CTNNA3: variants seen among roughly 807,000 people sequenced by gnomAD.
CTNNA3 encodes the protein catenin alpha-3.
CTNNA3 carries 76 observed loss-of-function variants against 95.7 expected under a neutral mutation model. The observed-to-expected ratio is 0.79, with a 90% CI of 0.66 to 0.96. The LOEUF (loss-of-function observed/expected upper bound fraction) is 0.96, where lower values mean the gene tolerates loss of function less well. Ranked by LOEUF, CTNNA3 falls within the 40% of genes least tolerant of loss-of-function variation. The pLI is 0.00. For missense variants in CTNNA3, 1,191 were observed against 1,089.8 expected (o/e 1.09, Z -1.31); for synonymous variants, 431 against 374.4 (o/e 1.15, Z -1.74).
intron 17 of CTNNA3, among the ~76,000 whole-genome samples, chr10:65,957,816 A>C (rs910492234): frequency 5.9e-5 from 9 of 151,698 alleles, no homozygotes; most frequent in African/African-American, 1.9e-4. Context: ...GTTGCCCTTA[A>C]TTTTTTCCTT....
intron 5 of CTNNA3, among the ~76,000 whole-genome samples, chr10:67,329,267 G>C (rs1841682448): frequency 6.6e-6 from 1 of 152,170 alleles, no homozygotes; most frequent in African/African-American, 2.4e-5. Context: ...GCTACTTGGA[G>C]TGCTGAGGCA....
chr10:67,178,188 C>T (rs1164131782), intron 7 of CTNNA3, among the ~76,000 whole-genome samples: 1 of 152,082 alleles, frequency 6.6e-6, no homozygotes, highest in East Asian at 1.9e-4. Flanking sequence ...TTGGCACACC[C>T]TGGGGTGGGT....
chr10:66,612,750 T>C (rs1253985826), intron 10 of CTNNA3, among the ~76,000 whole-genome samples: 4 of 152,098 alleles, frequency 2.6e-5, no homozygotes, highest in African/African-American at 4.8e-5. Flanking sequence ...TCAATTTCTA[T>C]TACATGTTTT....
At position 65,920,561 on chromosome 10, in the gene CTNNA3, C is replaced by T. The variant is rs780698723; in HGVS notation, c.2457G>A (p.Val819=). The T allele has an allele frequency of 1.2e-6, 2 of 1,614,124 alleles. No individual in the cohort carries two copies. The highest frequency in any genetic ancestry group is 8.5e-7 in the Non-Finnish European group (1 of 1,180,012). The change falls in exon 18 of 18, where the codon GTG becomes GTA. Residue 819 remains valine, a synonymous_variant. Coordinates refer to ENST00000433211, the MANE Select transcript of CTNNA3 (RefSeq NM_013266.4). ...QAAKNLMNAV[V]QTVKMSYIAS... ...CAATGTAAGACATTTTCACTGTTTGCACTACAGCATTCATTAAATTTTTGG... is the reference window on the plus strand; with the variant it reads ...CAATGTAAGACATTTTCACTGTTTGTACTACAGCATTCATTAAATTTTTGG...
At chr10:66,825,556 G>A (rs1220428272) in intron 7 of CTNNA3, among the ~76,000 whole-genome samples, 1 of 152,034 alleles carries the variant, frequency 6.6e-6, no homozygotes, top group African/African-American at 2.4e-5. Flanking sequence ...GAGACTATAG[G>A]CATGAACCAC....
intron 7 of CTNNA3, among the ~76,000 whole-genome samples, chr10:66,974,788 T>G (rs1008347277): frequency 6.6e-6 from 1 of 152,162 alleles, no homozygotes; most frequent in Non-Finnish European, 1.5e-5. Flanking sequence ...TCTTTTCATG[T>G]GCTTACCAAC....
intron 5 of CTNNA3, among the ~76,000 whole-genome samples, chr10:67,335,892 T>G (rs1028718899): frequency 1.4e-4 from 21 of 151,938 alleles, no homozygotes; most frequent in African/African-American, 3.4e-4. Context: ...TAGTGTTTTT[T>G]TTTTTTTTTA....
At position 67,695,244 on chromosome 10, in the gene CTNNA3, G is replaced by T. The variant is rs116949868; in HGVS notation, c.-6+756C>A. Among the ~76,000 whole-genome samples, 307 of 152,260 alleles carry T rather than the reference G, an allele frequency of 2.0e-3. 2 individuals are homozygous for T. Among genetic ancestry groups the T allele is most frequent in the Non-Finnish European group, 3.6e-3 (243 of 68,012 alleles). On this transcript the variant is annotated intron_variant, in intron 1 of 17. Transcript: ENST00000433211. Reference sequence around the variant, plus strand: ...GAGATCTTAGTAGGCACATATCAGTGACTCAAAACCTCTACAGTAAATGAA... The same window carrying T: ...GAGATCTTAGTAGGCACATATCAGTTACTCAAAACCTCTACAGTAAATGAA...
chr10:66,792,458 C>G (rs1308349154), intron 7 of CTNNA3, among the ~76,000 whole-genome samples: 2 of 152,084 alleles, frequency 1.3e-5, no homozygotes, highest in East Asian at 3.9e-4. Flanking sequence ...GCCTAAAATT[C>G]TCTATCACCC....
At chr10:66,601,577 C>T (rs965308717) in intron 10 of CTNNA3, among the ~76,000 whole-genome samples, 3 of 151,864 alleles carry the variant, frequency 2.0e-5, no homozygotes, top group Non-Finnish European at 4.4e-5. Flanking sequence ...CAAGTTTCTG[C>T]ACACTGTCTG....
chr10:66,304,837 G>A (rs1039785601), intron 12 of CTNNA3, among the ~76,000 whole-genome samples: 1 of 152,116 alleles, frequency 6.6e-6, no homozygotes, highest in Non-Finnish European at 1.5e-5. Context: ...ACAGGACCAT[G>A]AGGTAAGGTT....
At chr10:67,496,707 G>A (rs1023877256) in intron 5 of CTNNA3, among the ~76,000 whole-genome samples, 6 of 152,082 alleles carry the variant, frequency 3.9e-5, no homozygotes, top group Admixed American at 3.3e-4. Context: ...TTGTAGCGCT[G>A]TCCTAATTCC....
intron 5 of CTNNA3, among the ~76,000 whole-genome samples, chr10:67,312,703 C>A (rs896417568): frequency 1.4e-4 from 22 of 152,168 alleles, no homozygotes; most frequent in African/African-American, 5.1e-4. Flanking sequence ...TGTCCCTGGA[C>A]CGTAACAATT....
chr10:67,664,453 G>C (rs1244085555), intron 1 of CTNNA3, among the ~76,000 whole-genome samples: 2 of 152,134 alleles, frequency 1.3e-5, no homozygotes, highest in Non-Finnish European at 2.9e-5. Context: ...CTGCCACCAA[G>C]GTAAGAGAAG....
At chr10:66,573,644 T>C (rs1386092143) in intron 10 of CTNNA3, among the ~76,000 whole-genome samples, 3 of 152,182 alleles carry the variant, frequency 2.0e-5, no homozygotes, top group Non-Finnish European at 4.4e-5. Context: ...GCAAGATGAA[T>C]ATGAGCAGAA....
chr10:67,742,679 C>CAA (rs201916645), intron 1 of CTNNA3, among the ~76,000 whole-genome samples: 2 of 150,720 alleles, frequency 1.3e-5, no homozygotes, highest in African/African-American at 4.9e-5. Flanking sequence ...AATAGAGACA[C>CAA]AAAAAACCCT....
chr10:66,793,085 A>C (rs1415558765), intron 7 of CTNNA3, among the ~76,000 whole-genome samples: 2 of 152,150 alleles, frequency 1.3e-5, no homozygotes, highest in African/African-American at 4.8e-5. Flanking sequence ...TTTGTGTTGG[A>C]TGTCCAATGG....
intron 13 of CTNNA3, among the ~76,000 whole-genome samples, chr10:66,190,968 G>A (rs1196206654): frequency 6.6e-6 from 1 of 152,022 alleles, no homozygotes; most frequent in African/African-American, 2.4e-5. Context: ...GTATGCCTGA[G>A]GAAGATGATC....
chr10:66,751,878 G>T (rs1186847072), intron 9 of CTNNA3, among the ~76,000 whole-genome samples: 4 of 152,056 alleles, frequency 2.6e-5, no homozygotes, highest in Non-Finnish European at 4.4e-5. Context: ...ATAAAAATAG[G>T]TGGCAAATTT....
Sources: gnomAD v4.1 joint callset for allele counts (sites outside exome capture counted in the v4.1 genomes callset) on GRCh38, gnomAD v4.1.1 for gene constraint, MANE v1.5 for transcripts, NCBI Gene and HGNC (gene_info 2026-07-23, HGNC 2026-07-21) for gene names.